Variants in KCNB2 observed in about 807,000 individuals in gnomAD.
The protein encoded by KCNB2 is delayed rectifier potassium channel protein.
Under a neutral mutation model 61.5 loss-of-function variants are expected in KCNB2, and 15 were observed. The observed-to-expected ratio is 0.24, with a 90% CI of 0.16 to 0.38. The LOEUF (loss-of-function observed/expected upper bound fraction) is 0.38. KCNB2 is among the 10% of genes least tolerant of loss of function. The pLI is 1.00. For synonymous variants in KCNB2, 457 were observed against 446.0 expected (o/e 1.02, Z -0.31); for missense variants, 828 against 1,125.2 (o/e 0.74, Z 3.78).
At chr8:72,672,914 G>A (rs1454942192) in intron 2 of KCNB2, among the ~76,000 whole-genome samples, 1 of 152,162 alleles carries the variant, frequency 6.6e-6, no homozygotes, top group Non-Finnish European at 1.5e-5. Flanking sequence ...GTGAAGGTGT[G>A]GAGAAATTAG....
At chr8:72,728,096 T>C (rs953436787) in intron 2 of KCNB2, among the ~76,000 whole-genome samples, 1 of 152,202 alleles carries the variant, frequency 6.6e-6, no homozygotes, top group Non-Finnish European at 1.5e-5. Flanking sequence ...GTTGCAGTTA[T>C]GAAACCTTGC....
intron 2 of KCNB2, among the ~76,000 whole-genome samples, chr8:72,841,095 A>G (rs1809876018): frequency 1.3e-5 from 2 of 152,112 alleles, no homozygotes; most frequent in South Asian, 4.1e-4. Context: ...GTGTAAGGAA[A>G]GGGTCTAGCT....
At chr8:72,791,058 G>T (rs1808933934) in intron 2 of KCNB2, among the ~76,000 whole-genome samples, 3 of 152,284 alleles carry the variant, frequency 2.0e-5, no homozygotes, top group Middle Eastern at 6.8e-3. Flanking sequence ...CCAAGGATTT[G>T]CATGTTCAGA....
chr8:72,895,261 C>T (rs1805972431), intron 2 of KCNB2, among the ~76,000 whole-genome samples: 1 of 152,124 alleles, frequency 6.6e-6, no homozygotes, highest in Admixed American at 6.6e-5. Context: ...GGAGATTATC[C>T]TGGATTATCC....
Position 72,937,991 on chromosome 8 carries a change from G to A in KCNB2, c.2636G>A (p.Ser879Asn). 6.2e-7 allele frequency: 1 copy of A among 1,614,124 alleles called. No individual in the cohort carries two copies. The highest frequency in any genetic ancestry group is 1.3e-5 in the African/African-American group (1 of 75,034). The change falls in exon 3 of 3, where the codon AGT becomes AAT. Residue 879 changes from serine (S) to asparagine (N), a missense_variant. This residue lies in a region of KCNB2 where 559 missense variants were observed against 588.4 expected (regional missense o/e 0.95). Transcript: ENST00000523207. ...GTGAGTGAAGTCAAAAAGGACAGTA[G>A]TCAAGAAGGGTGCAAGATGGAAAAT... ...HAVSEVKKDS[S>N]QEGCKMENHL... is the part of the protein sequence containing the mutation.
chr8:72,845,704 C>T lies in KCNB2; in HGVS notation c.580-90231C>T, dbSNP rs191504142. ...TTGCCGAGCTGCAGTGGGCTTCGCC[C>T]GGTTCGAACTTCCAGGCAGCTTTGA... On this transcript the variant is annotated intron_variant, in intron 2 of 2. Transcript: ENST00000523207. Among the ~76,000 whole-genome samples, 358 of 152,308 alleles carry T rather than the reference C, an allele frequency of 2.4e-3. 4 individuals carry two copies. Among genetic ancestry groups the T allele is most frequent in the African/African-American group, 8.1e-3 (336 of 41,582 alleles).
At chr8:72,565,359 G>A (rs564918647) in intron 1 of KCNB2, among the ~76,000 whole-genome samples, 1 of 152,258 alleles carries the variant, frequency 6.6e-6, no homozygotes, top group South Asian at 2.1e-4. Context: ...GCAGAAATTG[G>A]TGTGTATCCT....
Position 72,829,909 on chromosome 8 carries a change from G to A in KCNB2, c.580-106026G>A, listed in dbSNP as rs118161258. Among the ~76,000 whole-genome samples the A allele has an allele frequency of 8.8e-5, 13 of 147,740 alleles. No homozygotes were observed. The East Asian group carries it at 1.6e-3, about 18-fold the overall frequency. ...GGAGACAAAGTGAAAAATTGTATCC[G>A]AAATTATTATTCTCTGTGAGGATAA... On this transcript the variant is annotated intron_variant, in intron 2 of 2. Transcript: ENST00000523207.
At chr8:72,623,347 A>G (rs539502079) in intron 2 of KCNB2, among the ~76,000 whole-genome samples, 27 of 152,188 alleles carry the variant, frequency 1.8e-4, no homozygotes, top group Non-Finnish European at 3.4e-4. Flanking sequence ...ACTTAACTCC[A>G]GCTTTGAAGG....
intron 2 of KCNB2, among the ~76,000 whole-genome samples, chr8:72,614,799 C>T (rs1489218): frequency 6.6e-6 from 1 of 151,928 alleles, no homozygotes; most frequent in African/African-American, 2.4e-5. Context: ...TCCATTCTGA[C>T]AGAAAAGTTT....
At chr8:72,708,041 C>T (rs1480903688) in intron 2 of KCNB2, among the ~76,000 whole-genome samples, 2 of 152,120 alleles carry the variant, frequency 1.3e-5, no homozygotes, top group Non-Finnish European at 2.9e-5. Context: ...GGAGCTGAGA[C>T]CTGGGGCCAT....
At chr8:72,569,725 A>G (rs1284372096) in intron 2 of KCNB2, among the ~76,000 whole-genome samples, 1 of 152,158 alleles carries the variant, frequency 6.6e-6, no homozygotes, top group Admixed American at 6.5e-5. Context: ...TCGAGTTACT[A>G]CAAAAAATAT....
At chr8:72,646,894 A>AT (rs888723082) in intron 2 of KCNB2, among the ~76,000 whole-genome samples, 11 of 151,992 alleles carry the variant, frequency 7.2e-5, no homozygotes, top group African/African-American at 1.2e-4. Context: ...ATGAGAAAGC[A>AT]TTTTTTTTGT....
chr8:72,644,789 C>T (rs1259547888), intron 2 of KCNB2, among the ~76,000 whole-genome samples: 4 of 152,068 alleles, frequency 2.6e-5, no homozygotes, highest in Non-Finnish European at 2.9e-5. Flanking sequence ...TAGTCCTTGC[C>T]GAAGCCTGTG....
chr8:72,682,640 A>G (rs535414127), intron 2 of KCNB2, among the ~76,000 whole-genome samples: 68 of 151,518 alleles, frequency 4.5e-4, no homozygotes, highest in African/African-American at 1.4e-3. Context: ...GTTTCCCAGG[A>G]TGGAATGCGG....
At chr8:72,665,915 G>A (rs1806463409) in intron 2 of KCNB2, among the ~76,000 whole-genome samples, 1 of 152,192 alleles carries the variant, frequency 6.6e-6, no homozygotes, top group Non-Finnish European at 1.5e-5. Context: ...AAAATAAACT[G>A]GTTATCACAG....
chr8:72,837,828 CTTTT>C (rs5892371), intron 2 of KCNB2, among the ~76,000 whole-genome samples: 1 of 151,162 alleles, frequency 6.6e-6, no homozygotes, highest in Non-Finnish European at 1.5e-5. Context: ...AACTTCAATC[CTTTT>C]TTTAAAAAAA....
intron 2 of KCNB2, among the ~76,000 whole-genome samples, chr8:72,707,322 C>T (rs1352424907): frequency 6.6e-6 from 1 of 152,094 alleles, no homozygotes; most frequent in East Asian, 1.9e-4. Flanking sequence ...TCTTGGGAGC[C>T]CAGAGAAGAT....
rs139411121 is a variant in KCNB2, at chr8:72,801,816, C to T, written c.580-134119C>T. On this transcript the variant is annotated intron_variant, in intron 2 of 2. Transcript: ENST00000523207. ...GTTCCCCAGATGGACTAAAAGAGGGCTATGTGACAGAAAAAGAAAAAAAAA... is the reference window on the plus strand; with the variant it reads ...GTTCCCCAGATGGACTAAAAGAGGGTTATGTGACAGAAAAAGAAAAAAAAA... Among the ~76,000 whole-genome samples, 17 of 151,052 alleles carry T rather than the reference C, an allele frequency of 1.1e-4. No individual in the cohort carries two copies. The East Asian group carries it at 2.9e-3, about 26-fold the overall frequency.
Sources: gnomAD v4.1 joint callset for allele counts (sites outside exome capture counted in the v4.1 genomes callset) on GRCh38, gnomAD v4.1.1 for gene constraint, gnomAD v4.1.1 regional missense constraint, MANE v1.5 for transcripts, NCBI Gene and HGNC (gene_info 2026-07-23, HGNC 2026-07-21) for gene names.